INPP4B: variants seen among roughly 807,000 people sequenced by gnomAD.
INPP4B encodes the protein inositol polyphosphate 4-phosphatase type II.
A neutral mutation model predicts 122.5 loss-of-function variants in INPP4B; 55 were observed. The observed-to-expected ratio is 0.45, with a 90% CI of 0.36 to 0.56. The LOEUF is 0.56. Ranked by LOEUF, INPP4B falls within the 20% of genes least tolerant of loss-of-function variation. The pLI is 0.00. For missense variants in INPP4B, 1,000 were observed against 1,097.7 expected (o/e 0.91, Z 1.26); for synonymous variants, 403 against 388.7 (o/e 1.04, Z -0.43).
chr4:142,101,926 C>A (rs780629535), intron 23 of INPP4B, among the ~76,000 whole-genome samples: 3 of 151,964 alleles, frequency 2.0e-5, no homozygotes, highest in Non-Finnish European at 4.4e-5. Flanking sequence ...ACAGAGTATT[C>A]AATATTAGGG....
intron 2 of INPP4B, among the ~76,000 whole-genome samples, chr4:142,706,917 A>G (rs530661716): frequency 6.6e-6 from 1 of 152,370 alleles, no homozygotes; most frequent in South Asian, 2.1e-4. Flanking sequence ...TCTTCATTTT[A>G]AAACTTGGCT....
At chr4:142,341,546 C>T (rs904919724) in intron 7 of INPP4B, among the ~76,000 whole-genome samples, 13 of 152,030 alleles carry the variant, frequency 8.6e-5, no homozygotes, top group African/African-American at 2.9e-4. Flanking sequence ...CCAGTGTTCC[C>T]GTTTTGTATA....
chr4:142,111,127 T>C (rs1264428860), intron 22 of INPP4B, among the ~76,000 whole-genome samples: 2 of 152,082 alleles, frequency 1.3e-5, no homozygotes, highest in East Asian at 3.9e-4. Flanking sequence ...AGTACTTAAT[T>C]ATCAAGGCAA....
At chr4:142,659,677 A>G (rs1174139780) in intron 2 of INPP4B, among the ~76,000 whole-genome samples, 1 of 152,072 alleles carries the variant, frequency 6.6e-6, no homozygotes, top group East Asian at 1.9e-4. Flanking sequence ...GATGCCCATC[A>G]CTCGGAGGTT....
intron 24 of INPP4B, among the ~76,000 whole-genome samples, chr4:142,085,094 T>C (rs565971363): frequency 2.6e-4 from 39 of 152,318 alleles, no homozygotes; most frequent in South Asian, 1.4e-3. Context: ...ACATTTCATA[T>C]TGTTACCTTT....
chr4:142,228,108 A>G (rs1852419789), intron 12 of INPP4B, among the ~76,000 whole-genome samples: 1 of 151,722 alleles, frequency 6.6e-6, no homozygotes, highest in Non-Finnish European at 1.5e-5. Context: ...AGATCTGCTC[A>G]TCACAAATAT....
chr4:142,624,225 A>T (rs375218006), intron 2 of INPP4B, among the ~76,000 whole-genome samples: 3,586 of 151,848 alleles, frequency 0.024, 72 homozygotes, highest in South Asian at 0.048. Context: ...CCTCTCCCGC[A>T]CCTGTTGTTT....
intron 1 of INPP4B, among the ~76,000 whole-genome samples, chr4:142,738,273 G>A (rs1036988548): frequency 1.2e-4 from 19 of 152,154 alleles, no homozygotes; most frequent in Admixed American, 6.5e-5. Context: ...GGAATACTAT[G>A]CAGCCATAAA....
chr4:142,824,803 TAAA>T (rs34045920), intron 1 of INPP4B, among the ~76,000 whole-genome samples: 1 of 149,102 alleles, frequency 6.7e-6, no homozygotes, highest in African/African-American at 2.4e-5. Flanking sequence ...CCTTTTTTGT[TAAA>T]AAAAAAAGTC....
intron 1 of INPP4B, among the ~76,000 whole-genome samples, chr4:142,798,949 G>T (rs1418150731): frequency 6.6e-6 from 1 of 151,680 alleles, no homozygotes; most frequent in Non-Finnish European, 1.5e-5. Flanking sequence ...GTGTTTATAG[G>T]AGCAGTAGGA....
Position 142,398,920 on chromosome 4 carries a change from C to T in INPP4B, c.372+4018G>A, listed in dbSNP as rs80188206. The stretch of plus-strand genomic sequence containing the variant: ...CAAAGAATTTAACAAGCTGATGGTA[C>T]CACAAACATTTATTACTTTCAGAGC... On this transcript the variant is annotated intron_variant, in intron 7 of 25. Coordinates refer to ENST00000262992, the MANE Select transcript of INPP4B (RefSeq NM_001101669.3). Among the ~76,000 whole-genome samples the T allele has an allele frequency of 2.0e-3, 308 of 152,124 alleles. 3 individuals are homozygous for T. The highest frequency in any genetic ancestry group is 7.1e-3 in the African/African-American group (294 of 41,504).
intron 8 of INPP4B, among the ~76,000 whole-genome samples, chr4:142,312,746 G>A (rs1252384244): frequency 6.6e-6 from 1 of 152,170 alleles, no homozygotes; most frequent in Non-Finnish European, 1.5e-5. Context: ...GAGGAAGTGG[G>A]CCCAGAGCCA....
At chr4:142,320,526 G>T (rs1235724238) in intron 7 of INPP4B, among the ~76,000 whole-genome samples, 1 of 152,066 alleles carries the variant, frequency 6.6e-6, no homozygotes, top group African/African-American at 2.4e-5. Context: ...ATAGGTTTTG[G>T]AAGAACATGT....
chr4:142,430,009 C>T (rs1470454599), intron 4 of INPP4B, among the ~76,000 whole-genome samples: 1 of 152,034 alleles, frequency 6.6e-6, no homozygotes, highest in African/African-American at 2.4e-5. Context: ...GCAAAACTAA[C>T]ATGTATGAAA....
intron 2 of INPP4B, among the ~76,000 whole-genome samples, chr4:142,603,076 C>T (rs951695841): frequency 6.6e-6 from 1 of 152,122 alleles, no homozygotes; most frequent in Non-Finnish European, 1.5e-5. Context: ...ATGTCCTTTG[C>T]AGGGACATGG....
At chr4:142,363,932 A>C (rs1786439589) in intron 7 of INPP4B, among the ~76,000 whole-genome samples, 1 of 152,074 alleles carries the variant, frequency 6.6e-6, no homozygotes, top group Admixed American at 6.6e-5. Context: ...ATCAGACTGG[A>C]ATTCATGCCA....
At chr4:142,535,995 G>C (rs1828151477) in intron 2 of INPP4B, among the ~76,000 whole-genome samples, 1 of 152,112 alleles carries the variant, frequency 6.6e-6, no homozygotes, top group Non-Finnish European at 1.5e-5. Flanking sequence ...CTTAGGCAAG[G>C]AGGGCCTTTG....
At chr4:142,299,363 T>G (rs539705318) in intron 9 of INPP4B, among the ~76,000 whole-genome samples, 2 of 151,962 alleles carry the variant, frequency 1.3e-5, no homozygotes, top group African/African-American at 2.4e-5. Flanking sequence ...GGTTTTGGCA[T>G]GTTATAGTTG....
At chr4:142,518,245 C>T (rs2149902838) in intron 2 of INPP4B, among the ~76,000 whole-genome samples, 1 of 152,218 alleles carries the variant, frequency 6.6e-6, no homozygotes, top group African/African-American at 2.4e-5. Flanking sequence ...ATAACTCTGG[C>T]ACCATCTTGA....
Sources: allele counts gnomAD v4.1 joint callset (sites outside exome capture counted in the v4.1 genomes callset), GRCh38; gene constraint gnomAD v4.1.1; transcripts MANE v1.5; gene names NCBI Gene and HGNC (gene_info 2026-07-23, HGNC 2026-07-21).